ACTR1A: variants seen among roughly 807,000 people sequenced by gnomAD.
ACTR1A encodes the protein alpha-centractin.
ACTR1A carries 10 observed loss-of-function variants against 50.7 expected under a neutral mutation model. The observed-to-expected ratio is 0.20, with a 90% CI of 0.12 to 0.33. ACTR1A has a LOEUF of 0.33. Among genes scored for constraint, ACTR1A ranks in the 10% least tolerant of loss-of-function variants. ACTR1A has a pLI of 1.00. For synonymous variants in ACTR1A, 177 were observed against 184.2 expected, an observed-to-expected ratio of 0.96 and a Z score of 0.32; for missense variants, 253 against 491.7, an observed-to-expected ratio of 0.51 and a Z score of 4.59.
Position 102,481,990 on chromosome 10 carries a change from A to G in ACTR1A, c.925+11T>C, listed in dbSNP as rs372101542. On this transcript the variant is annotated intron_variant, in intron 8 of 10. Coordinates refer to ENST00000369905, the MANE Select transcript of ACTR1A (RefSeq NM_005736.4). Reference sequence around the variant, plus strand: ...ACTTCCAGGGGAAGGGCTCCAAGAGAAGAGACAAACCTTTGAACAGGGTAG... The same window carrying G: ...ACTTCCAGGGGAAGGGCTCCAAGAGGAGAGACAAACCTTTGAACAGGGTAG... The G allele has an allele frequency of 5.1e-5, 83 of 1,614,108 alleles. No individual in the cohort carries two copies. In the African/African-American group the frequency reaches 8.1e-4, roughly 16 times the overall value.
At position 102,502,658 on chromosome 10, in the gene ACTR1A, T is replaced by G; in HGVS notation, c.-11A>C. 6.2e-7 allele frequency: 1 copy of G among 1,614,170 alleles called. No homozygotes were observed. The highest frequency in any genetic ancestry group is 1.1e-5 in the South Asian group (1 of 91,074). On this transcript the variant is annotated 5_prime_UTR_variant, in exon 1 of 11. Transcript: ENST00000369905. ...ATCGTAGGACTCCATGGCAGAGGAA[T>G]CTCTCCTTCTGGGGAAGGAACTGCC...
chr10:102,495,136 G>T (rs2062213993), intron 1 of ACTR1A, among the ~76,000 whole-genome samples: 1 of 152,068 alleles, frequency 6.6e-6, no homozygotes, highest in Admixed American at 6.6e-5. Context: ...AATTACTCGG[G>T]TGTGGTGGTG....
rs767915019 is a variant in ACTR1A at position 102,481,123 on chromosome 10, G to A, written c.1028+9C>T. The A allele has an allele frequency of 6.2e-7, 1 of 1,608,070 alleles. No individual in the cohort carries two copies. Among genetic ancestry groups the A allele is most frequent in the Non-Finnish European group, 8.5e-7 (1 of 1,176,344 alleles). ...CTGTTCTGTTCTTACTCCTGGAAGA[G>A]CTACTCACCCAATCCACGTGGAATA... On this transcript the variant is annotated intron_variant, in intron 10 of 10. Transcript: ENST00000369905.
At chr10:102,492,069 C>CTTTTTTTT (rs71016386) in intron 1 of ACTR1A, among the ~76,000 whole-genome samples, 1 of 92,342 alleles carries the variant, frequency 1.1e-5, no homozygotes, top group Non-Finnish European at 1.9e-5. Context: ...CGTGCCCGGC[C>CTTTTTTTT]TTTTTTTTTT....
Position 102,484,298 on chromosome 10 carries a change from G to T in ACTR1A, c.519C>A (p.Gly173=). The T allele has an allele frequency of 6.2e-7, 1 of 1,614,198 alleles. No homozygotes were observed. The change falls in exon 6 of 11, where the codon GGC becomes GGA. Residue 173 remains glycine, a synonymous_variant. Transcript: ENST00000369905. ...GVTHAVPIYE[G]FAMPHSIMRI... The stretch of plus-strand genomic sequence containing the variant: ...GCATGATGGAGTGGGGCATGGCAAA[G>T]CCCTCATAGATGGGCACAGCATGGG...
rs80105865 is a variant in ACTR1A at position 102,479,718 on chromosome 10, A to C, written c.*1145T>G. On this transcript the variant is annotated 3_prime_UTR_variant, in exon 11 of 11. Transcript: ENST00000369905. The surrounding 1 kb of genome is among the most constrained non-coding windows in gnomAD (Gnocchi z 4.0). ...GTCCCCTGGTCAGCTACAGTGGCAA[A>C]AGGCAACTTGGTAAATTGCAGCTTT... 8 of 1,278,064 alleles carry C rather than the reference A, an allele frequency of 6.3e-6. No individual in the cohort carries two copies. The East Asian group carries it at 4.5e-4, about 71-fold the overall frequency. 79.2% of individuals were successfully genotyped at this position (1,278,064 alleles called of 1,614,324 possible).
At chr10:102,492,578 A>C (rs1320199804) in intron 1 of ACTR1A, among the ~76,000 whole-genome samples, 1 of 152,160 alleles carries the variant, frequency 6.6e-6, no homozygotes, top group Non-Finnish European at 1.5e-5. Flanking sequence ...ATCTGCACCA[A>C]AGGCTTCCCA....
Position 102,502,709 on chromosome 10 carries a change from T to A in ACTR1A, c.-62A>T, listed in dbSNP as rs1336275998. On this transcript the variant is annotated 5_prime_UTR_variant, in exon 1 of 11. Coordinates refer to ENST00000369905, the MANE Select transcript of ACTR1A (RefSeq NM_005736.4). The stretch of plus-strand genomic sequence containing the variant: ...CAGCCGGGTCCGCCGCTAGCGCCAC[T>A]GACACGCATGCGCAGTCTAGCCGCC... 1.9e-6 allele frequency: 3 copies of A among 1,575,256 alleles called. No individual in the cohort carries two copies. Among genetic ancestry groups the A allele is most frequent in the Non-Finnish European group, 2.6e-6 (3 of 1,145,918 alleles).
intron 1 of ACTR1A, among the ~76,000 whole-genome samples, chr10:102,500,568 A>AAAACAAAC (rs1164496543): frequency 4.9e-4 from 49 of 99,176 alleles, no homozygotes; most frequent in African/African-American, 1.4e-3. Flanking sequence ...CTCCGTCTCA[A>AAAACAAAC]AAACAAACAA....
chr10:102,498,880 G>C (rs1265411351), intron 1 of ACTR1A, among the ~76,000 whole-genome samples: 3 of 152,046 alleles, frequency 2.0e-5, no homozygotes, highest in Non-Finnish European at 4.4e-5. Flanking sequence ...TATTCTCTAT[G>C]TCTTTGGGAA....
chr10:102,493,094 A>C (rs2062202810), intron 1 of ACTR1A, among the ~76,000 whole-genome samples: 2 of 151,646 alleles, frequency 1.3e-5, no homozygotes, highest in Non-Finnish European at 2.9e-5. Context: ...AGGGAGCAGG[A>C]ATCTTTGCCA....
At chr10:102,501,989 G>A (rs907647523) in intron 1 of ACTR1A, among the ~76,000 whole-genome samples, 3 of 151,388 alleles carry the variant, frequency 2.0e-5, no homozygotes, top group Non-Finnish European at 4.4e-5. Flanking sequence ...CCAGATTCTC[G>A]GGCCCCACCC....
In ACTR1A at chr10:102,481,135, A is replaced by G. The variant is rs1340952367; in HGVS notation, c.1025T>C (p.Ile342Thr). 6.2e-7 allele frequency: 1 copy of G among 1,607,886 alleles called. No homozygotes were observed. Among genetic ancestry groups the G allele is most frequent in the Non-Finnish European group, 8.5e-7 (1 of 1,176,460 alleles). ...APQERLYSTWIGGSILASLDT... is the reference protein window; with the variant it reads ...APQERLYSTWTGGSILASLDT... ...TACTCCTGGAAGAGCTACTCACCCA[A>G]TCCACGTGGAATACAGTCTCTCCTG... Residue 342 changes from isoleucine (I) to threonine (T), a missense_variant, in exon 10 of 11, where the codon ATT (isoleucine) becomes ACT (threonine). Ile to Thr is a moderately conservative substitution (Grantham distance 89). Coordinates refer to ENST00000369905, the MANE Select transcript of ACTR1A (RefSeq NM_005736.4).
chr10:102,497,729 C>T (rs2062229191), intron 1 of ACTR1A, among the ~76,000 whole-genome samples: 2 of 151,880 alleles, frequency 1.3e-5, no homozygotes, highest in South Asian at 4.2e-4. Flanking sequence ...CCTGACTTAT[C>T]TTCCAGAGTA....
In ACTR1A at chr10:102,484,892, C is replaced by T. The variant is rs536022432; in HGVS notation, c.441-516G>A. On this transcript the variant is annotated intron_variant, in intron 5 of 10. Coordinates refer to ENST00000369905, the MANE Select transcript of ACTR1A (RefSeq NM_005736.4). ...CCCTGCTTCAGTGCGGAGAGGCCAA[C>T]AGAGCATGGACAGGCTGTGGGGAGG... Among the ~76,000 whole-genome samples, 4 of 152,312 alleles carry T rather than the reference C, an allele frequency of 2.6e-5. No individual in the cohort carries two copies. The South Asian group carries it at 6.2e-4, about 24-fold the overall frequency.
At chr10:102,484,415 C>G in intron 5 of ACTR1A, 39 bp from the exon 6 acceptor site, 2 of 1,528,528 alleles carry the variant, frequency 1.3e-6, no homozygotes, top group Non-Finnish European at 1.8e-6. Flanking sequence ...GCACTGCCTC[C>G]TCACGCTGGG....
rs148341304 is a variant in ACTR1A at position 102,497,059 on chromosome 10, G to A, written c.48+5541C>T. ...CTGGGCATGGTGGTGCATGCCTGTAGTCCCAACTACTCGGGAGGCTGAAGC... is the reference window on the plus strand; with the variant it reads ...CTGGGCATGGTGGTGCATGCCTGTAATCCCAACTACTCGGGAGGCTGAAGC... On this transcript the variant is annotated intron_variant, in intron 1 of 10. Transcript: ENST00000369905. 5.3e-3 allele frequency among the ~76,000 whole-genome samples: 811 copies of A among 151,638 alleles called. 8 individuals are homozygous for A. Among genetic ancestry groups the A allele is most frequent in the Middle Eastern group, 0.014 (4 of 294 alleles).
Position 102,489,062 on chromosome 10 carries a change from C to T in ACTR1A, c.189+1G>A. 6.4e-7 allele frequency: 1 copy of T among 1,566,428 alleles called. No homozygotes were observed. Among genetic ancestry groups the T allele is most frequent in the Non-Finnish European group, 8.7e-7 (1 of 1,155,558 alleles). On this transcript the variant is annotated splice_donor_variant, in intron 3 of 10. Coordinates refer to ENST00000369905, the MANE Select transcript of ACTR1A (RefSeq NM_005736.4). LOFTEE classifies it high-confidence loss of function. ...GCTTGTTCTGTAGGCCTGGGAATTA[C>T]CTCAGCTTTGGGGCCAATGAAGATG...
Position 102,491,801 on chromosome 10 carries a change from T to A in ACTR1A, c.49-1188A>T, listed in dbSNP as rs1445684228. 6.6e-5 allele frequency among the ~76,000 whole-genome samples: 10 copies of A among 152,222 alleles called. No individual in the cohort carries two copies. The East Asian group carries it at 1.5e-3, about 23-fold the overall frequency. On this transcript the variant is annotated intron_variant, in intron 1 of 10. Transcript: ENST00000369905. ...TTTTTTTTGAGATGGAGTCTCGCTC[T>A]GTCGCCCAGGCTGGAGTGCAGTGGT...
Sources: gnomAD v4.1 joint callset for allele counts (sites outside exome capture counted in the v4.1 genomes callset) on GRCh38, gnomAD v4.1.1 for gene constraint, Gnocchi (gnomAD v3.1) non-coding constraint, MANE v1.5 for transcripts, NCBI Gene and HGNC (gene_info 2026-07-23, HGNC 2026-07-21) for gene names.